The following ENGASE variants were observed in gnomAD, a reference collection of about 807,000 sequenced individuals.
The protein encoded by ENGASE is cytosolic endo-beta-N-acetylglucosaminidase.
In ENGASE, 69 loss-of-function variants were observed where a neutral mutation model predicts 78.5. That is an observed-to-expected ratio of 0.88 (90% CI 0.72 to 1.07). The LOEUF is 1.07. Ranked by LOEUF, ENGASE falls within the 50% of genes least tolerant of loss-of-function variation. The probability of loss-of-function intolerance (pLI) is 0.00; values close to 1 mark genes in which losing one functional copy is unlikely to be tolerated. For missense variants in ENGASE, 943 were observed against 988.4 expected (o/e 0.95, Z 0.62); for synonymous variants, 408 against 408.9 (o/e 1.00, Z 0.03).
intron 1 of ENGASE, chr17:79,075,914 T>C: frequency 1.0e-6 from 1 of 985,084 alleles, no homozygotes; most frequent in East Asian, 1.1e-4. Flanking sequence ...GGGATTGTTC[T>C]GAGAAGGTCT....
Position 79,083,231 on chromosome 17 carries a change from G to T in ENGASE, c.1142+108G>T. On this transcript the variant is annotated intron_variant, in intron 8 of 13. Transcript: ENST00000579016. This position sits in a 1 kb window ranked among gnomAD's most constrained non-coding sequence, Gnocchi z 4.9. The stretch of plus-strand genomic sequence containing the variant: ...TCTTTAGTGACCCTTCCTATGGGGG[G>T]GTGGTTAAGGGAGGATGACAGGGGA... The T allele has an allele frequency of 1.1e-6, 1 of 893,006 alleles. No individual in the cohort carries two copies. Among genetic ancestry groups the T allele is most frequent in the Admixed American group, 2.4e-5 (1 of 42,112 alleles). 55.3% of individuals were successfully genotyped at this position (893,006 alleles called of 1,614,324 possible). A position where few individuals can be genotyped will look rare whatever the true frequency, so the allele number is the denominator to read the frequency against.
intron 3 of ENGASE, among the ~76,000 whole-genome samples, chr17:79,078,506 C>T (rs1370433873): frequency 6.6e-6 from 1 of 152,158 alleles, no homozygotes; most frequent in Admixed American, 6.5e-5. Flanking sequence ...TCCGCAGCCT[C>T]ACCCCCTCAC....
At position 79,085,987 on chromosome 17, in the gene ENGASE, A is replaced by T. The variant is rs747534138; in HGVS notation, c.1870A>T (p.Ile624Phe). 1.9e-6 allele frequency: 3 copies of T among 1,609,632 alleles called. No individual in the cohort carries two copies. The highest frequency in any genetic ancestry group is 2.2e-5 in the East Asian group (1 of 44,850). Reference protein sequence around the residue: ...APLPQVQAVTISHIRWQPSAS... With the variant: ...APLPQVQAVTFSHIRWQPSAS... The stretch of plus-strand genomic sequence containing the variant: ...TCTGCCCCAGGTGCAGGCCGTCACC[A>T]TCTCTCACATCCGCTGGCAGCCATC... Residue 624 changes from isoleucine to phenylalanine, a missense_variant, in exon 14 of 14, where the codon ATC becomes TTC. By Grantham distance (21) the Ile-to-Phe change is conservative (BLOSUM62 0). Transcript: ENST00000579016.
In ENGASE at chr17:79,081,996, A is replaced by T. The variant is rs2145993420; in HGVS notation, c.971A>T (p.Asp324Val). 6.2e-7 allele frequency: 1 copy of T among 1,614,160 alleles called. No individual in the cohort carries two copies. Among genetic ancestry groups the T allele is most frequent in the East Asian group, 2.2e-5 (1 of 44,866 alleles). The change falls in exon 7 of 14, where the codon GAT becomes GTT. Residue 324 changes from aspartate to valine, a missense_variant. Transcript: ENST00000579016. ...MLGQAGERRA[D>V]VYVGVDVFAR... ...GGGCAGGCTGGGGAGCGCCGGGCTG[A>T]TGTGTACGTGGGCGTGGATGTGTTT...
chr17:79,082,079 C>G lies in ENGASE; in HGVS notation c.1038+16C>G, dbSNP rs563498854. Reference sequence around the variant, plus strand: ...CACAGACAAGGTGGGTGGTGGCTTTCGTCCAAGGGCCAGCGGCCCAGTGCC... The same window carrying G: ...CACAGACAAGGTGGGTGGTGGCTTTGGTCCAAGGGCCAGCGGCCCAGTGCC... On this transcript the variant is annotated intron_variant, in intron 7 of 13. Coordinates refer to ENST00000579016, the MANE Select transcript of ENGASE (RefSeq NM_001042573.3). The G allele has an allele frequency of 1.2e-6, 2 of 1,614,116 alleles. No homozygotes were observed. Among genetic ancestry groups the G allele is most frequent in the African/African-American group, 1.3e-5 (1 of 75,032 alleles).
Position 79,085,277 on chromosome 17 carries a change from C to T in ENGASE, c.1635C>T (p.Pro545=). 3 of 1,613,548 alleles carry T rather than the reference C, an allele frequency of 1.9e-6. No individual in the cohort carries two copies. Among genetic ancestry groups the T allele is most frequent in the Non-Finnish European group, 1.7e-6 (2 of 1,180,002 alleles). The change falls in exon 12 of 14, where the codon CCC becomes CCT. Residue 545 remains proline, a synonymous_variant. Coordinates refer to ENST00000579016, the MANE Select transcript of ENGASE (RefSeq NM_001042573.3). Reference sequence around the variant, plus strand: ...ACAGCCTCCGACCCCTCCGGGTGCCCCCCACCAAGCTGGCCAGATGGGTGG... The same window carrying T: ...ACAGCCTCCGACCCCTCCGGGTGCCTCCCACCAAGCTGGCCAGATGGGTGG... The part of the protein sequence containing the change: ...SRHSLRPLRV[P]PTKLARWVGR...
Position 79,084,548 on chromosome 17 carries a change from C to A in ENGASE, c.1453C>A (p.Leu485Met), listed in dbSNP as rs773376128. The A allele has an allele frequency of 6.3e-7, 1 of 1,576,910 alleles. No individual in the cohort carries two copies. The highest frequency in any genetic ancestry group is 1.2e-5 in the South Asian group (1 of 85,274). ...GACCTTTTTCCCCAGGTTATTTTCC[C>A]TGCAGGCCCCAGTGCCACCCAAGAT... ...VGNVAVRLFSLQAPVPPKIYL... is the reference protein window; with the variant it reads ...VGNVAVRLFSMQAPVPPKIYL... The change falls in exon 11 of 14, where the codon CTG (leucine) becomes ATG (methionine). Residue 485 changes from leucine to methionine, a missense_variant. Physicochemically the swap from Leu to Met is conservative, Grantham distance 15 (BLOSUM62 2). Coordinates refer to ENST00000579016, the MANE Select transcript of ENGASE (RefSeq NM_001042573.3).
chr17:79,083,390 A>G lies in ENGASE; in HGVS notation c.1143-92A>G. ...GAAGTCCTGTCTTGGAGGGTGCAGG[A>G]GAGCCTCGAGTTTCCACCAGCAAGT... On this transcript the variant is annotated intron_variant, in intron 8 of 13. Coordinates refer to ENST00000579016, the MANE Select transcript of ENGASE (RefSeq NM_001042573.3). This position sits in a 1 kb window ranked among gnomAD's most constrained non-coding sequence, Gnocchi z 4.9. 1.1e-6 allele frequency: 1 copy of G among 949,580 alleles called. No homozygotes were observed. Among genetic ancestry groups the G allele is most frequent in the Non-Finnish European group, 1.6e-6 (1 of 610,798 alleles). The allele number at this position is 949,580 out of a possible 1,614,324, so 58.8% of individuals were successfully genotyped here. A position where few individuals can be genotyped will look rare whatever the true frequency, so the allele number is the denominator to read the frequency against.
rs1345096200 is a variant in ENGASE, at chr17:79,087,213, C to T, written c.*864C>T. ...GTCCAGGCAGGAAGCAGCACCTGCCCCCCGCGCCAGCCCAGCCCCAGCCTG... is the reference window on the plus strand; with the variant it reads ...GTCCAGGCAGGAAGCAGCACCTGCCTCCCGCGCCAGCCCAGCCCCAGCCTG... On this transcript the variant is annotated 3_prime_UTR_variant, in exon 14 of 14. Coordinates refer to ENST00000579016, the MANE Select transcript of ENGASE (RefSeq NM_001042573.3). 4 of 364,696 alleles carry T rather than the reference C, an allele frequency of 1.1e-5. No individual in the cohort carries two copies. Among genetic ancestry groups the T allele is most frequent in the Non-Finnish European group, 2.2e-5 (4 of 180,942 alleles). The allele number at this position is 364,696 out of a possible 1,614,324, so 22.6% of individuals were successfully genotyped here. A position where few individuals can be genotyped will look rare whatever the true frequency, so the allele number is the denominator to read the frequency against.
chr17:79,076,708 C>G (rs2072976814), intron 1 of ENGASE, among the ~76,000 whole-genome samples: 1 of 152,140 alleles, frequency 6.6e-6, no homozygotes, highest in African/African-American at 2.4e-5. Flanking sequence ...GAAGTGTGGC[C>G]TATAGAGGAA....
rs1241067470 is a variant in ENGASE, at chr17:79,083,226, G to T, written c.1142+103G>T. The stretch of plus-strand genomic sequence containing the variant: ...TGTGCTCTTTAGTGACCCTTCCTAT[G>T]GGGGGGTGGTTAAGGGAGGATGACA... On this transcript the variant is annotated intron_variant, in intron 8 of 13. Transcript: ENST00000579016. This position sits in a 1 kb window ranked among gnomAD's most constrained non-coding sequence, Gnocchi z 4.9. 18 of 903,486 alleles carry T rather than the reference G, an allele frequency of 2.0e-5. No homozygotes were observed. The highest frequency in any genetic ancestry group is 1.0e-5 in the Non-Finnish European group (6 of 584,110). 56.0% of individuals were successfully genotyped at this position (903,486 alleles called of 1,614,324 possible). A position where few individuals can be genotyped will look rare whatever the true frequency, so the allele number is the denominator to read the frequency against.
At chr17:79,085,185 C>T in intron 11 of ENGASE, 49 bp from the exon 12 acceptor site, 1 of 1,502,434 alleles carries the variant, frequency 6.7e-7, no homozygotes, top group Non-Finnish European at 9.3e-7. Context: ...TTCTCAGTGC[C>T]TTTTCCTTTG....
chr17:79,078,041 G>A (rs1181979405), intron 3 of ENGASE, among the ~76,000 whole-genome samples, 177 bp downstream of exon 3: 1 of 152,184 alleles, frequency 6.6e-6, no homozygotes, highest in African/African-American at 2.4e-5. Context: ...TGTTTCATCT[G>A]TAAAAAGGGA....
At position 79,083,815 on chromosome 17, in the gene ENGASE, TTTGGAGAAC is replaced by T. The variant is rs1380042157; in HGVS notation, c.1307_1315del (p.Phe436_His439delinsTyr). 1 of 1,611,920 alleles carries T rather than the reference TTTGGAGAAC, an allele frequency of 6.2e-7. No individual in the cohort carries two copies. Among genetic ancestry groups the T allele is most frequent in the African/African-American group, 1.3e-5 (1 of 74,782 alleles). ...GAGCGCCCAGGAGATCCAGCCCTTG[TTTGGAGAAC>T]ACAGGCTGGGAGGGGATGGCCGGGG... On this transcript the variant is annotated inframe_deletion, in exon 10 of 14. Coordinates refer to ENST00000579016, the MANE Select transcript of ENGASE (RefSeq NM_001042573.3). This position sits in a 1 kb window ranked among gnomAD's most constrained non-coding sequence, Gnocchi z 4.9.
intron 6 of ENGASE, among the ~76,000 whole-genome samples, 193 bp downstream of exon 6, chr17:79,081,266 G>A (rs990215339): frequency 6.6e-6 from 1 of 152,210 alleles, no homozygotes; most frequent in East Asian, 1.9e-4. Context: ...ACTTTGGGAC[G>A]CCGAGGTGGG....
intron 3 of ENGASE, 39 bp downstream of exon 3, chr17:79,077,903 TCTC>T (rs2073009140): frequency 7.0e-7 from 1 of 1,431,342 alleles, no homozygotes; most frequent in South Asian, 1.2e-5. Context: ...CTTACATTGT[TCTC>T]CTTTGCTGGG....
chr17:79,079,086 A>C (rs1188321085), intron 3 of ENGASE, among the ~76,000 whole-genome samples: 1 of 152,214 alleles, frequency 6.6e-6, no homozygotes, highest in Non-Finnish European at 1.5e-5. Context: ...TCTTGACTGA[A>C]TGGAACTAAA....
intron 1 of ENGASE, chr17:79,075,802 G>A: frequency 4.1e-6 from 4 of 985,458 alleles, no homozygotes; most frequent in Non-Finnish European, 4.8e-6. Flanking sequence ...AAGATGGGAT[G>A]AAGGCTGGCT....
chr17:79,086,170 A>C lies in ENGASE; in HGVS notation c.2053A>C (p.Met685Leu). 1 of 1,613,748 alleles carries C rather than the reference A, an allele frequency of 6.2e-7. No homozygotes were observed. Among genetic ancestry groups the C allele is most frequent in the South Asian group, 1.1e-5 (1 of 91,088 alleles). Residue 685 changes from methionine to leucine, a missense_variant, in exon 14 of 14, where the codon ATG (methionine) becomes CTG (leucine). Physicochemically the swap from Met to Leu is conservative, Grantham distance 15. Coordinates refer to ENST00000579016, the MANE Select transcript of ENGASE (RefSeq NM_001042573.3). ...GRELPRPEMPMFLGLAFATQY... is the reference protein window; with the variant it reads ...GRELPRPEMPLFLGLAFATQY... ...GGAGCTGCCGAGGCCAGAGATGCCC[A>C]TGTTCCTGGGGTTGGCTTTTGCCAC...
Sources: allele counts gnomAD v4.1 joint callset (sites outside exome capture counted in the v4.1 genomes callset), GRCh38; gene constraint gnomAD v4.1.1; non-coding constraint Gnocchi (gnomAD v3.1); transcripts MANE v1.5; gene names NCBI Gene and HGNC (gene_info 2026-07-23, HGNC 2026-07-21).